The following ZNF423 variants were observed in gnomAD, a reference collection of about 807,000 sequenced individuals.
The protein encoded by ZNF423 is zinc finger protein 423.
In ZNF423, 12 loss-of-function variants were observed where a neutral mutation model predicts 95.8. The ratio of observed to expected loss-of-function variants is 0.13; its 90% confidence interval spans 0.08 to 0.20. The LOEUF (loss-of-function observed/expected upper bound fraction) is 0.20, where lower values mean the gene tolerates loss of function less well. Among genes scored for constraint, ZNF423 ranks in the 10% least tolerant of loss-of-function variants. The pLI is 1.00. For synonymous variants in ZNF423, 749 were observed against 711.9 expected (o/e 1.05, Z -0.83); for missense variants, 1,316 against 1,737.1 (o/e 0.76, Z 4.31).
At chr16:49,783,001 C>A (rs909624782) in intron 2 of ZNF423, among the ~76,000 whole-genome samples, 2 of 151,814 alleles carry the variant, frequency 1.3e-5, no homozygotes, top group African/African-American at 4.8e-5. Context: ...CTTCAGCTCC[C>A]AGATCAAACT....
At chr16:49,590,580 G>A (rs778790499) in intron 5 of ZNF423, among the ~76,000 whole-genome samples, 1 of 152,136 alleles carries the variant, frequency 6.6e-6, no homozygotes, top group African/African-American at 2.4e-5. Context: ...AGGGCACCAG[G>A]GTGACTTAGC....
intron 5 of ZNF423, among the ~76,000 whole-genome samples, chr16:49,533,903 A>C (rs530785555): frequency 1.3e-5 from 2 of 152,328 alleles, no homozygotes; most frequent in South Asian, 2.1e-4. Flanking sequence ...TACACCTGTA[A>C]TTCCAGGACT....
chr16:49,609,910 G>T (rs1971668138), intron 5 of ZNF423, among the ~76,000 whole-genome samples: 1 of 151,956 alleles, frequency 6.6e-6, no homozygotes, highest in South Asian at 2.1e-4. Context: ...AAAACTCCAG[G>T]ACAGGAAAAA....
At chr16:49,565,648 A>T (rs988143067) in intron 5 of ZNF423, among the ~76,000 whole-genome samples, 1 of 152,066 alleles carries the variant, frequency 6.6e-6, no homozygotes, top group African/African-American at 2.4e-5. Flanking sequence ...GGTGCCATCA[A>T]CTCAAAGGGT....
intron 1 of ZNF423, among the ~76,000 whole-genome samples, chr16:49,817,723 CATGTCACTT>C (rs2034878611): frequency 6.6e-6 from 1 of 152,138 alleles, no homozygotes; most frequent in South Asian, 2.1e-4. Flanking sequence ...ACAAGACCAC[CATGTCACTT>C]ATCCCAGGGT....
intron 1 of ZNF423, among the ~76,000 whole-genome samples, chr16:49,845,546 T>C (rs2035236394): frequency 6.6e-6 from 1 of 151,550 alleles, no homozygotes; most frequent in Admixed American, 6.6e-5. Context: ...TTTGTTTTGG[T>C]TTGTTTTGTT....
chr16:49,670,151 C>T (rs1290539478), intron 3 of ZNF423, among the ~76,000 whole-genome samples: 1 of 152,166 alleles, frequency 6.6e-6, no homozygotes, highest in African/African-American at 2.4e-5. Context: ...GCAGGAGCTG[C>T]TGCAGCCCAG....
rs573828840 is a variant in ZNF423, at chr16:49,490,561, C to T, written c.*714G>A. On this transcript the variant is annotated 3_prime_UTR_variant, in exon 8 of 8. Transcript: ENST00000563137. The stretch of plus-strand genomic sequence containing the variant: ...ACACCTTACAGGAGCTGACAGCCCC[C>T]CACGCGGCCCTAGGCTGGGGAGGAG... 2.0e-5 allele frequency: 3 copies of T among 152,820 alleles called. No homozygotes were observed. Among genetic ancestry groups the T allele is most frequent in the Non-Finnish European group, 4.4e-5 (3 of 68,234 alleles). The allele number at this position is 152,820 out of a possible 1,614,324, so 9.5% of individuals were successfully genotyped here.
At chr16:49,491,436 G>GA (rs1243880958) in intron 7 of ZNF423, 132 bp from the exon 8 acceptor site, 1 of 1,151,464 alleles carries the variant, frequency 8.7e-7, no homozygotes, top group African/African-American at 1.5e-5. Context: ...ATGCAACAAG[G>GA]AAAAAGTGCT....
At chr16:49,505,410 AT>A (rs1450714144) in intron 7 of ZNF423, among the ~76,000 whole-genome samples, 2 of 152,154 alleles carry the variant, frequency 1.3e-5, no homozygotes, top group Non-Finnish European at 2.9e-5. Context: ...CATCCTCAAA[AT>A]TTCTAGAAAA....
rs114407874 is a variant in ZNF423 at position 49,523,842 on chromosome 16, G to A, written c.3734-103C>T. 2.5e-3 allele frequency: 2,260 copies of A among 889,312 alleles called. 40 individuals carry two copies. In the African/African-American group the frequency reaches 0.031, roughly 12 times the overall value. 55.1% of individuals were successfully genotyped at this position (889,312 alleles called of 1,614,324 possible). A position where few individuals can be genotyped will look rare whatever the true frequency, so the allele number is the denominator to read the frequency against. ...CGCAGGCAGGGATCACTGTGGCATA[G>A]GTACAGTCAGCCAAACAGTGGGCTA... On this transcript the variant is annotated intron_variant, in intron 6 of 7. Coordinates refer to ENST00000563137, the MANE Select transcript of ZNF423 (RefSeq NM_001379286.1).
intron 7 of ZNF423, among the ~76,000 whole-genome samples, chr16:49,508,020 G>T (rs750292676): frequency 6.6e-6 from 1 of 152,258 alleles, no homozygotes; most frequent in Admixed American, 6.5e-5. Context: ...GACAGAAGCC[G>T]GGGCTGGTGG....
At chr16:49,496,341 C>A (rs1300194358) in intron 7 of ZNF423, among the ~76,000 whole-genome samples, 1 of 152,140 alleles carries the variant, frequency 6.6e-6, no homozygotes, top group African/African-American at 2.4e-5. Context: ...GGAGGTGGGG[C>A]CTAGTGGGAG....
intron 5 of ZNF423, among the ~76,000 whole-genome samples, chr16:49,535,973 G>C (rs1969042226): frequency 6.6e-6 from 1 of 152,134 alleles, no homozygotes; most frequent in Non-Finnish European, 1.5e-5. Context: ...GACCCTGCCA[G>C]GGACACATGA....
chr16:49,854,528 G>A (rs1236623799), intron 1 of ZNF423: 1 of 985,372 alleles, frequency 1.0e-6, no homozygotes, highest in Non-Finnish European at 1.2e-6. Flanking sequence ...CATCAGGGGA[G>A]ATGGGAGAAG....
At chr16:49,590,384 GC>G in intron 5 of ZNF423, among the ~76,000 whole-genome samples, 1 of 152,168 alleles carries the variant, frequency 6.6e-6, no homozygotes, top group South Asian at 2.1e-4. Flanking sequence ...ACTCACACCG[GC>G]CACGTTTTCA....
chr16:49,858,230 G>C (rs1222846402), upstream of ZNF423, among the ~76,000 whole-genome samples: 1 of 149,274 alleles, frequency 6.7e-6, no homozygotes, highest in East Asian at 2.0e-4. The surrounding 1 kb of genome is among the most constrained non-coding windows in gnomAD (Gnocchi z 4.3). Flanking sequence ...CAGCGCCGGG[G>C]CCGGCCGGGC....
At chr16:49,496,609 A>G (rs948412715) in intron 7 of ZNF423, among the ~76,000 whole-genome samples, 5 of 152,192 alleles carry the variant, frequency 3.3e-5, no homozygotes, top group African/African-American at 1.2e-4. Context: ...TTTTCTTCAT[A>G]AATTACCCAG....
intron 5 of ZNF423, among the ~76,000 whole-genome samples, chr16:49,543,925 C>G (rs919558187): frequency 1.3e-5 from 2 of 152,348 alleles, no homozygotes; most frequent in East Asian, 3.9e-4. Context: ...ATCTACCCTA[C>G]AGGGCTCTGT....
Sources: allele counts gnomAD v4.1 joint callset (sites outside exome capture counted in the v4.1 genomes callset), GRCh38; gene constraint gnomAD v4.1.1; non-coding constraint Gnocchi (gnomAD v3.1); transcripts MANE v1.5; gene names NCBI Gene and HGNC (gene_info 2026-07-23, HGNC 2026-07-21).